The following RER1 variants were observed in gnomAD, a reference collection of about 807,000 sequenced individuals.
The protein encoded by RER1 is retention in endoplasmic reticulum sorting receptor 1.
Under a neutral mutation model 28.3 loss-of-function variants are expected in RER1, and 6 were observed. The observed-to-expected ratio is 0.21, with a 90% CI of 0.12 to 0.42. The LOEUF is 0.42. Among genes scored for constraint, RER1 ranks in the 10% least tolerant of loss-of-function variants. The probability of loss-of-function intolerance (pLI) is 1.00; values close to 1 mark genes in which losing one functional copy is unlikely to be tolerated. For missense variants in RER1, 159 were observed against 252.9 expected, an observed-to-expected ratio of 0.63 and a Z score of 2.52; for synonymous variants, 110 against 95.9, an observed-to-expected ratio of 1.15 and a Z score of -0.86.
chr1:2,394,588 A>T (rs1642740438), intron 1 of RER1: 1 of 152,184 alleles, frequency 6.6e-6, no homozygotes, highest in Non-Finnish European at 1.5e-5. Context: ...GAACAATAAG[A>T]CTGACCCCAA....
Position 2,405,202 on chromosome 1 carries a change from G to GGT in RER1, c.*2078_*2079insGT. 5.0e-6 allele frequency: 1 copy of GGT among 199,724 alleles called. No homozygotes were observed. Among genetic ancestry groups the GGT allele is most frequent in the Non-Finnish European group, 1.0e-5 (1 of 96,086 alleles). 12.4% of individuals were successfully genotyped at this position (199,724 alleles called of 1,614,324 possible). A position where few individuals can be genotyped will look rare whatever the true frequency, so the allele number is the denominator to read the frequency against. On this transcript the variant is annotated 3_prime_UTR_variant, in exon 7 of 7. Transcript: ENST00000605895. ...TGCTGGCCTTGGTTGGTTTCTCTCT[G>GGT]CCCCGTGTGGTCATCAAGTCCTGGG... is the stretch of plus-strand genomic sequence containing the variant.
rs957271960 is a variant in RER1, at chr1:2,404,813, C to T, written c.*1689C>T. On this transcript the variant is annotated 3_prime_UTR_variant, in exon 7 of 7. Coordinates refer to ENST00000605895, the MANE Select transcript of RER1 (RefSeq NM_007033.5). ...AGTTCCATCTTGTGTTAGTAACGTA[C>T]CCACATTTTGCTGGAGTTAGTTTAT... 6.6e-6 allele frequency: 1 copy of T among 152,494 alleles called. No individual in the cohort carries two copies. Among genetic ancestry groups the T allele is most frequent in the Admixed American group, 6.5e-5 (1 of 15,290 alleles). 9.4% of individuals were successfully genotyped at this position (152,494 alleles called of 1,614,324 possible).
chr1:2,401,381 C>CT (rs143938257), intron 5 of RER1, among the ~76,000 whole-genome samples: 3 of 7,638 alleles, frequency 3.9e-4, no homozygotes, highest in Non-Finnish European at 6.3e-4. Flanking sequence ...TTCCTCCCTC[C>CT]TCCTCCCTCC....
chr1:2,392,910 CAGAGGA>C (rs1405469915), intron 1 of RER1, among the ~76,000 whole-genome samples: 1 of 152,292 alleles, frequency 6.6e-6, no homozygotes, highest in Admixed American at 6.5e-5. Flanking sequence ...GAGGGCATTT[CAGAGGA>C]CTGAACAACA....
At chr1:2,393,925 G>T (rs1642730522) in intron 1 of RER1, 1 of 152,304 alleles carries the variant, frequency 6.6e-6, no homozygotes, top group East Asian at 1.9e-4. Context: ...TCTGAGCTTT[G>T]CCTAGAGAAC....
chr1:2,397,815 A>G (rs779599034), intron 3 of RER1, among the ~76,000 whole-genome samples: 3 of 152,122 alleles, frequency 2.0e-5, no homozygotes, highest in Non-Finnish European at 4.4e-5. Flanking sequence ...GCTGGTAAAC[A>G]CGGGGTTTCT....
chr1:2,398,114 T>A (rs187943701), intron 3 of RER1, among the ~76,000 whole-genome samples: 13 of 152,334 alleles, frequency 8.5e-5, no homozygotes, highest in African/African-American at 2.6e-4. Flanking sequence ...CAGGTCAGTT[T>A]TATTGCGTTC....
At chr1:2,399,579 C>A in intron 4 of RER1, 65 bp downstream of exon 4, 2 of 980,372 alleles carry the variant, frequency 2.0e-6, no homozygotes, top group Non-Finnish European at 3.3e-6. Flanking sequence ...GATGGGATTG[C>A]CCAGTGTTCT....
At chr1:2,394,066 A>G (rs1285241706) in intron 1 of RER1, 4 of 152,214 alleles carry the variant, frequency 2.6e-5, no homozygotes, top group East Asian at 1.9e-4. Context: ...AGGACGAACA[A>G]TGTGACGGGT....
In RER1 at chr1:2,403,127, G is replaced by T; in HGVS notation, c.*3G>T. On this transcript the variant is annotated 3_prime_UTR_variant, in exon 7 of 7. Transcript: ENST00000605895. ...CCGGCAAGGCCTTCGCCAGCTAGAAGCGGGACTGAGGCTGCCTCACGTGTT... is the reference window on the plus strand; with the variant it reads ...CCGGCAAGGCCTTCGCCAGCTAGAATCGGGACTGAGGCTGCCTCACGTGTT... The T allele has an allele frequency of 6.2e-7, 1 of 1,612,478 alleles. No individual in the cohort carries two copies. Among genetic ancestry groups the T allele is most frequent in the Non-Finnish European group, 8.5e-7 (1 of 1,178,474 alleles).
chr1:2,402,436 CAG>C (rs942929451), intron 6 of RER1, 94 bp downstream of exon 6: 4 of 1,519,532 alleles, frequency 2.6e-6, no homozygotes, highest in African/African-American at 2.7e-5. Flanking sequence ...TGGGTGGTGG[CAG>C]AGTCTGCCTG....
chr1:2,396,537 A>G (rs1642770056), intron 2 of RER1, among the ~76,000 whole-genome samples: 1 of 152,278 alleles, frequency 6.6e-6, no homozygotes. Flanking sequence ...TCACAATTTG[A>G]AAATTAAATT....
Position 2,403,308 on chromosome 1 carries a change from C to G in RER1, c.*184C>G. The G allele has an allele frequency of 5.4e-6, 3 of 560,594 alleles. No individual in the cohort carries two copies. The highest frequency in any genetic ancestry group is 6.4e-6 in the Non-Finnish European group (2 of 311,278). The allele number at this position is 560,594 out of a possible 1,614,324, so 34.7% of individuals were successfully genotyped here. ...AGAAACTGGCGCTTAAACCAAATCGCATGGATTTCTTTTTCAGTGACGTTC... is the reference window on the plus strand; with the variant it reads ...AGAAACTGGCGCTTAAACCAAATCGGATGGATTTCTTTTTCAGTGACGTTC... On this transcript the variant is annotated 3_prime_UTR_variant, in exon 7 of 7. Transcript: ENST00000605895.
intron 1 of RER1, 148 bp from the exon 2 acceptor site, chr1:2,395,632 TTCCC>T: frequency 3.1e-6 from 2 of 649,604 alleles, no homozygotes; most frequent in East Asian, 5.5e-5. Flanking sequence ...CTGCTACTTT[TTCCC>T]GAACAATTCA....
chr1:2,393,128 G>A (rs1642713480), intron 1 of RER1: 1 of 14,596 alleles, frequency 6.9e-5, no homozygotes, highest in African/African-American at 3.1e-4. Context: ...GGCACATAGA[G>A]AGTCTTACAC....
At chr1:2,400,797 G>GTTTT (rs1343196057) in intron 4 of RER1, 60 bp from the exon 5 acceptor site, 1 of 1,366,494 alleles carries the variant, frequency 7.3e-7, no homozygotes, top group Non-Finnish European at 1.0e-6. Flanking sequence ...GAGGGGAAAA[G>GTTTT]GTAGAACTGT....
intron 1 of RER1, chr1:2,395,484 G>T: frequency 2.6e-6 from 1 of 388,246 alleles, no homozygotes; most frequent in Non-Finnish European, 4.9e-6. Context: ...GGCCAGCAAG[G>T]CTGCTCCTGG....
In RER1 at chr1:2,402,330, G is replaced by A; in HGVS notation, c.489G>A (p.Lys163=). The change falls in exon 6 of 7, where the codon AAG becomes AAA. Residue 163 remains lysine (K), a synonymous_variant. Transcript: ENST00000605895. ...TCATGCTCTTCTGTATCACGATGAA[G>A]AGGCAAATCAAGGTAAAGCAGAGGC... ...YFIMLFCITM[K]RQIKHMIKYR... The A allele has an allele frequency of 6.8e-6, 11 of 1,614,214 alleles. No individual in the cohort carries two copies. Among genetic ancestry groups the A allele is most frequent in the Non-Finnish European group, 9.3e-6 (11 of 1,180,036 alleles).
rs75262920 is a variant in RER1, at chr1:2,399,700, G to A, written c.286+186G>A. Among the ~76,000 whole-genome samples, 5,338 of 152,268 alleles carry A rather than the reference G, an allele frequency of 0.035. 141 individuals carry two copies. Among genetic ancestry groups the A allele is most frequent in the South Asian group, 0.08 (388 of 4,824 alleles). The stretch of plus-strand genomic sequence containing the variant: ...AAACCCTCCTGACAGCCACGAAGTG[G>A]GTGTTCATTCTGTTTTCCCACTTTG... On this transcript the variant is annotated intron_variant, in intron 4 of 6. Transcript: ENST00000605895.
Sources: allele counts gnomAD v4.1 joint callset (sites outside exome capture counted in the v4.1 genomes callset), GRCh38; gene constraint gnomAD v4.1.1; transcripts MANE v1.5; gene names NCBI Gene and HGNC (gene_info 2026-07-23, HGNC 2026-07-21).